STIM1: variants seen among roughly 807,000 people sequenced by gnomAD.
STIM1 encodes stromal interaction molecule 1.
STIM1 carries 25 observed loss-of-function variants against 74.7 expected under a neutral mutation model. The ratio of observed to expected loss-of-function variants is 0.33; its 90% CI spans 0.24 to 0.47. The LOEUF is 0.47. STIM1 is among the 20% of genes least tolerant of loss of function. The probability of loss-of-function intolerance (pLI) is 1.00; values close to 1 mark genes in which losing one functional copy is unlikely to be tolerated. For synonymous variants in STIM1, 328 were observed against 348.8 expected, an observed-to-expected ratio of 0.94 and a Z score of 0.66; for missense variants, 728 against 920.8, an observed-to-expected ratio of 0.79 and a Z score of 2.71.
intron 2 of STIM1, among the ~76,000 whole-genome samples, chr11:3,987,594 CT>C (rs1195690020): frequency 2.6e-5 from 4 of 152,140 alleles, no homozygotes; most frequent in Non-Finnish European, 4.4e-5. Flanking sequence ...TCTGTCTCAC[CT>C]AGATGCTTTC....
At chr11:4,055,417 A>G in intron 3 of STIM1, 109 bp from the exon 4 acceptor site, 1 of 815,014 alleles carries the variant, frequency 1.2e-6, no homozygotes, top group Non-Finnish European at 2.1e-6. Flanking sequence ...TTTATGGGAC[A>G]GATAGATATT....
chr11:4,048,764 C>T lies in STIM1; in HGVS notation c.386-6762C>T, dbSNP rs374192361. Among the ~76,000 whole-genome samples, 104 of 151,878 alleles carry T rather than the reference C, an allele frequency of 6.8e-4. No homozygotes were observed. The South Asian group carries it at 0.018, about 26-fold the overall frequency. On this transcript the variant is annotated intron_variant, in intron 3 of 12. Coordinates refer to ENST00000526596, the MANE Select transcript of STIM1 (RefSeq NM_001382567.1). ...TAATTTTTTTTTTGAGACAGAGTCT[C>T]GCTCTGTCGCCCAGGCTGGAGTGCA...
rs74050942 is a variant in STIM1 at position 3,896,997 on chromosome 11, A to G, written c.139+40588A>G. 9.4e-3 allele frequency among the ~76,000 whole-genome samples: 1,434 copies of G among 152,314 alleles called. 19 individuals are homozygous for G. The highest frequency in any genetic ancestry group is 0.033 in the African/African-American group (1,357 of 41,574). ...CTCTCATTAAGTGTTAACCATTATA[A>G]TTATCACTGTCTAATCTGTTTTTCT... On this transcript the variant is annotated intron_variant, in intron 1 of 12. Transcript: ENST00000526596.
chr11:3,873,528 A>G (rs1282991722), intron 1 of STIM1, among the ~76,000 whole-genome samples: 1 of 151,982 alleles, frequency 6.6e-6, no homozygotes, highest in Non-Finnish European at 1.5e-5. Context: ...CGGCCTCCCA[A>G]AGTGCTAGGA....
chr11:3,881,071 T>C (rs982180336), intron 1 of STIM1, among the ~76,000 whole-genome samples: 2 of 146,880 alleles, frequency 1.4e-5, no homozygotes, highest in African/African-American at 5.1e-5. Context: ...TTTTAGAGTA[T>C]GGTGACGTAG....
At chr11:4,017,628 G>T (rs1341749376) in intron 2 of STIM1, among the ~76,000 whole-genome samples, 1 of 152,118 alleles carries the variant, frequency 6.6e-6, no homozygotes, top group Admixed American at 6.5e-5. Context: ...TGCTCCCAAG[G>T]CTTGCTTGTG....
intron 1 of STIM1, among the ~76,000 whole-genome samples, chr11:3,912,296 C>A (rs2092577327): frequency 7.1e-6 from 1 of 140,580 alleles, no homozygotes; most frequent in South Asian, 2.4e-4. Flanking sequence ...TTCTCTCTTT[C>A]TTTTTTTCCA....
At chr11:3,978,864 G>A (rs923715932) in intron 2 of STIM1, among the ~76,000 whole-genome samples, 1 of 152,006 alleles carries the variant, frequency 6.6e-6, no homozygotes, top group Non-Finnish European at 1.5e-5. Context: ...GTGAGAGTTC[G>A]GGAAGCTGGC....
intron 1 of STIM1, among the ~76,000 whole-genome samples, chr11:3,936,853 CA>C (rs2092938034): frequency 6.6e-6 from 1 of 152,110 alleles, no homozygotes; most frequent in Non-Finnish European, 1.5e-5. Context: ...CAGAGAAAAC[CA>C]ACTTGTTTTT....
chr11:4,083,235 C>T lies in STIM1; in HGVS notation c.1239-28C>T, dbSNP rs200370100. The T allele has an allele frequency of 3.4e-5, 55 of 1,608,890 alleles. No homozygotes were observed. The South Asian group carries it at 5.3e-4, about 15-fold the overall frequency. On this transcript the variant is annotated intron_variant, in intron 9 of 12. Coordinates refer to ENST00000526596, the MANE Select transcript of STIM1 (RefSeq NM_001382567.1). ...TATTGGGGCTCACACCAAGTCCATG[C>T]CTGCAGTTCTCTTTCCTCTGTCTTC... is the stretch of plus-strand genomic sequence containing the variant.
At chr11:4,057,636 C>G (rs1341266611) in intron 4 of STIM1, among the ~76,000 whole-genome samples, 3 of 152,032 alleles carry the variant, frequency 2.0e-5, no homozygotes, top group East Asian at 1.9e-4. Context: ...TTTGGGAGGC[C>G]AAGGTGGGTG....
At chr11:4,068,283 C>A (rs2094381117) in intron 5 of STIM1, among the ~76,000 whole-genome samples, 1 of 152,164 alleles carries the variant, frequency 6.6e-6, no homozygotes, top group East Asian at 1.9e-4. Context: ...AATGAAATAA[C>A]TAGGCTCAAT....
At chr11:3,930,766 G>A (rs930601627) in intron 1 of STIM1, among the ~76,000 whole-genome samples, 56 of 152,268 alleles carry the variant, frequency 3.7e-4, no homozygotes, top group African/African-American at 1.2e-3. Flanking sequence ...CATCTTCCAT[G>A]CATGGGCATT....
At position 3,967,655 on chromosome 11, in the gene STIM1, T is replaced by C; in HGVS notation, c.243T>C (p.Gly81=). ...AACTGATGGACGATGATGCCAATGG[T>C]GATGTGGATGTGGAAGAAAGTGATG... The part of the protein sequence containing the change: ...IHKLMDDDAN[G]DVDVEESDEF... The change falls in exon 2 of 13, where the codon GGT becomes GGC. Residue 81 remains glycine, a synonymous_variant. Transcript: ENST00000526596. The C allele has an allele frequency of 6.2e-7, 1 of 1,614,084 alleles. No homozygotes were observed. The highest frequency in any genetic ancestry group is 8.5e-7 in the Non-Finnish European group (1 of 1,180,012).
intron 1 of STIM1, among the ~76,000 whole-genome samples, chr11:3,888,328 C>G (rs2091792070): frequency 6.6e-6 from 1 of 152,144 alleles, no homozygotes; most frequent in African/African-American, 2.4e-5. Context: ...TTATGGGGTT[C>G]AAGCTTTTGC....
At chr11:3,994,778 T>TG (rs2093648574) in intron 2 of STIM1, among the ~76,000 whole-genome samples, 1 of 152,134 alleles carries the variant, frequency 6.6e-6, no homozygotes, top group Admixed American at 6.6e-5. Flanking sequence ...ATTCATATAT[T>TG]GGTGTGATTA....
intron 1 of STIM1, among the ~76,000 whole-genome samples, chr11:3,900,182 C>T (rs2092311064): frequency 6.6e-6 from 1 of 152,176 alleles, no homozygotes; most frequent in Non-Finnish European, 1.5e-5. Context: ...GCAGTTTGAT[C>T]TCAGACTGCT....
At chr11:3,864,860 T>A (rs1458403752) in intron 1 of STIM1, among the ~76,000 whole-genome samples, 1 of 152,134 alleles carries the variant, frequency 6.6e-6, no homozygotes, top group Non-Finnish European at 1.5e-5. Context: ...TCTTGTGGAG[T>A]CTTTTTATAC....
chr11:4,049,324 A>ATTTTTTTT (rs369097214), intron 3 of STIM1, among the ~76,000 whole-genome samples: 1 of 133,902 alleles, frequency 7.5e-6, no homozygotes. Context: ...TATCAGCTGG[A>ATTTTTTTT]TTTTTTTTTT....
Sources: allele counts gnomAD v4.1 joint callset (sites outside exome capture counted in the v4.1 genomes callset), GRCh38; gene constraint gnomAD v4.1.1; transcripts MANE v1.5; gene names NCBI Gene and HGNC (gene_info 2026-07-23, HGNC 2026-07-21).